The following TSBP1 variants were observed in gnomAD, a reference collection of about 807,000 sequenced individuals.
TSBP1 encodes the protein testis expressed basic protein 1.
A neutral mutation model predicts 68.8 loss-of-function variants in TSBP1; 56 were observed. The ratio of observed to expected loss-of-function variants is 0.81; its 90% CI spans 0.66 to 1.02. The LOEUF (loss-of-function observed/expected upper bound fraction) is 1.02, where lower values mean the gene tolerates loss of function less well. Ranked by LOEUF, TSBP1 falls within the 50% of genes least tolerant of loss-of-function variation. The pLI is 0.00. For synonymous variants in TSBP1, 171 were observed against 208.7 expected (o/e 0.82, Z 1.56); for missense variants, 502 against 641.2 (o/e 0.78, Z 2.34).
At chr6:32,327,020 A>G (rs1353393110) in intron 16 of TSBP1, among the ~76,000 whole-genome samples, 1 of 152,186 alleles carries the variant, frequency 6.6e-6, no homozygotes, top group African/African-American at 2.4e-5. Flanking sequence ...TCATTTATTC[A>G]TACAAATATC....
intron 14 of TSBP1, among the ~76,000 whole-genome samples, chr6:32,334,443 T>C (rs1378803592): frequency 1.3e-5 from 2 of 152,170 alleles, no homozygotes; most frequent in African/African-American, 4.8e-5. Flanking sequence ...AAAATGATAG[T>C]GGAAAGAATG....
intron 8 of TSBP1, among the ~76,000 whole-genome samples, chr6:32,354,410 A>G (rs571747390): frequency 1.3e-5 from 2 of 152,224 alleles, no homozygotes; most frequent in East Asian, 3.8e-4. Flanking sequence ...GAAAAATATG[A>G]CAAAATCTGG....
Position 32,300,879 on chromosome 6 carries a change from T to C in TSBP1, c.602-179A>G, listed in dbSNP as rs117528459. ...TGCCCAGTGTAGTTTACAAAGACCT[T>C]GTGATAAGCTACTTTAAATCACCTT... On this transcript the variant is annotated intron_variant, in intron 20 of 22. Coordinates refer to ENST00000612031, the Ensembl canonical transcript of TSBP1. Among the ~76,000 whole-genome samples the C allele has an allele frequency of 6.7e-3, 1,014 of 152,346 alleles. 18 individuals carry two copies. Among genetic ancestry groups the C allele is most frequent in the East Asian group, 0.02 (103 of 5,196 alleles).
chr6:32,322,978 A>G, intron 18 of TSBP1, 139 bp downstream of exon 19: 1 of 603,850 alleles, frequency 1.7e-6, no homozygotes, highest in Non-Finnish European at 2.9e-6. Flanking sequence ...CCCACTTTTA[A>G]TTAGTATTTT....
chr6:32,315,591 A>C lies in TSBP1; in HGVS notation c.580+181T>G, dbSNP rs999223314. On this transcript the variant is annotated intron_variant, in intron 19 of 22. Coordinates refer to ENST00000612031, the Ensembl canonical transcript of TSBP1. This position sits in a 1 kb window ranked among gnomAD's most constrained non-coding sequence, Gnocchi z 5.4. Reference sequence around the variant, plus strand: ...CAAAACAAAACAAAAAAACCTAAATAATGGGAAATATTACAGTTATGAATC... The same window carrying C: ...CAAAACAAAACAAAAAAACCTAAATCATGGGAAATATTACAGTTATGAATC... Among the ~76,000 whole-genome samples the C allele has an allele frequency of 3.3e-5, 5 of 152,140 alleles. No homozygotes were observed. Among genetic ancestry groups the C allele is most frequent in the African/African-American group, 9.7e-5 (4 of 41,432 alleles).
intron 19 of TSBP1, among the ~76,000 whole-genome samples, chr6:32,309,769 T>C (rs1766190172): frequency 6.6e-6 from 1 of 152,220 alleles, no homozygotes; most frequent in Admixed American, 6.5e-5. Context: ...TATATTCTTT[T>C]AGTTGTTTCA....
chr6:32,364,007 A>G (rs1306199666), intron 6 of TSBP1, among the ~76,000 whole-genome samples: 2 of 152,154 alleles, frequency 1.3e-5, no homozygotes, highest in Non-Finnish European at 2.9e-5. Flanking sequence ...TTACGGGTAA[A>G]GAGTTATTGG....
intron 6 of TSBP1, among the ~76,000 whole-genome samples, chr6:32,358,589 G>A (rs983516695): frequency 3.3e-5 from 5 of 151,510 alleles, no homozygotes; most frequent in Admixed American, 6.6e-5. Context: ...AACAGGCCCC[G>A]GTGTGTGATG....
chr6:32,331,526 G>T (rs921818165), intron 15 of TSBP1, among the ~76,000 whole-genome samples: 3 of 152,118 alleles, frequency 2.0e-5, no homozygotes, highest in African/African-American at 7.2e-5. Context: ...GGGGGTTCGG[G>T]CTGTGAGAAA....
At chr6:32,330,955 C>T (rs1330390884) in intron 15 of TSBP1, among the ~76,000 whole-genome samples, 11 of 150,246 alleles carry the variant, frequency 7.3e-5, no homozygotes, top group Admixed American at 2.0e-4. Context: ...TGAACCACTG[C>T]GCCTGGCCCC....
At chr6:32,322,382 A>C (rs1228874878) in intron 18 of TSBP1, 104 bp downstream of exon 20, 1 of 817,048 alleles carries the variant, frequency 1.2e-6, no homozygotes, top group Non-Finnish European at 2.1e-6. Context: ...ACTTTGGGTA[A>C]TGTAGAAGCA....
intron 6 of TSBP1, among the ~76,000 whole-genome samples, chr6:32,364,717 G>T (rs917608924): frequency 6.6e-6 from 1 of 151,946 alleles, no homozygotes; most frequent in African/African-American, 2.4e-5. Flanking sequence ...TCAGGCAACT[G>T]GTGGATTGAT....
At chr6:32,293,904 T>C (rs775464273) in exon 23 of TSBP1, 138 of 1,612,822 alleles carry the variant, frequency 8.6e-5, no homozygotes, top group Middle Eastern at 6.6e-4. Context: ...GTAAATATGA[T>C]GTCATTCTTT....
rs1046210849 is a variant in TSBP1, at chr6:32,337,166, T to C, written c.410-531A>G. 6.6e-6 allele frequency among the ~76,000 whole-genome samples: 1 copy of C among 152,140 alleles called. No homozygotes were observed. Among genetic ancestry groups the C allele is most frequent in the Admixed American group, 6.5e-5 (1 of 15,282 alleles). Reference sequence around the variant, plus strand: ...AAACAAAATAGAACTAATGAGAAAATACTGTTTGCATTTAAATTCTTCCTG... The same window carrying C: ...AAACAAAATAGAACTAATGAGAAAACACTGTTTGCATTTAAATTCTTCCTG... On this transcript the variant is annotated intron_variant, in intron 11 of 22. Coordinates refer to ENST00000612031, the Ensembl canonical transcript of TSBP1. The surrounding 1 kb of genome is among the most constrained non-coding windows in gnomAD (Gnocchi z 5.5).
exon 1 of TSBP1, chr6:32,371,846 A>ATCCTC: frequency 1.2e-6 from 1 of 856,162 alleles, no homozygotes; most frequent in Non-Finnish European, 1.9e-6. Context: ...GTAGGCAGAG[A>ATCCTC]TGCAGAGGAT....
In TSBP1 at chr6:32,335,318, A is replaced by G. The variant is rs985274194; in HGVS notation, c.472+119T>C. 5 of 865,006 alleles carry G rather than the reference A, an allele frequency of 5.8e-6. No homozygotes were observed. The highest frequency in any genetic ancestry group is 4.3e-5 in the South Asian group (2 of 46,490). 53.6% of individuals were successfully genotyped at this position (865,006 alleles called of 1,614,324 possible). ...CCAATCTGGAGTACTGGGTGAGATT[A>G]TGAGGTGGCAGAAGGACTTGATCCT... On this transcript the variant is annotated intron_variant, in intron 14 of 22. Transcript: ENST00000612031. This position sits in a 1 kb window ranked among gnomAD's most constrained non-coding sequence, Gnocchi z 5.5.
rs1406009210 is a variant in TSBP1, at chr6:32,321,532, A to C, written c.559+1585T>G. On this transcript the variant is annotated intron_variant, in intron 18 of 22. Coordinates refer to ENST00000612031, the Ensembl canonical transcript of TSBP1. This position sits in a 1 kb window ranked among gnomAD's most constrained non-coding sequence, Gnocchi z 4.3. ...CCAAACATGGGCATATGGATTTTGCAGCCTCATCTCTGGGTCGGAACCATT... is the reference window on the plus strand; with the variant it reads ...CCAAACATGGGCATATGGATTTTGCCGCCTCATCTCTGGGTCGGAACCATT... 6.6e-6 allele frequency among the ~76,000 whole-genome samples: 1 copy of C among 152,180 alleles called. No individual in the cohort carries two copies. The highest frequency in any genetic ancestry group is 1.5e-5 in the Non-Finnish European group (1 of 68,034).
chr6:32,307,825 G>C (rs1487052092), intron 19 of TSBP1, among the ~76,000 whole-genome samples: 1 of 151,222 alleles, frequency 6.6e-6, no homozygotes, highest in Admixed American at 6.6e-5. Context: ...ACTTAGGCTG[G>C]AGTGCAATGG....
intron 22 of TSBP1, among the ~76,000 whole-genome samples, chr6:32,299,018 G>A (rs7745174): frequency 0.13 from 20,051 of 152,186 alleles, 1,514 homozygotes; most frequent in Non-Finnish European, 0.17. Flanking sequence ...ATGTATATTT[G>A]TATTTGCAAA....
Sources: gnomAD v4.1 joint callset for allele counts (sites outside exome capture counted in the v4.1 genomes callset) on GRCh38, gnomAD v4.1.1 for gene constraint, Gnocchi (gnomAD v3.1) non-coding constraint, MANE v1.5 for transcripts, NCBI Gene and HGNC (gene_info 2026-07-23, HGNC 2026-07-21) for gene names.